Variants in COL5A3 observed in about 807,000 individuals in gnomAD.
COL5A3 encodes collagen alpha-3(V) chain.
A neutral mutation model predicts 250.0 loss-of-function variants in COL5A3; 172 were observed. The ratio of observed to expected loss-of-function variants is 0.69; its 90% confidence interval spans 0.61 to 0.78. The LOEUF (loss-of-function observed/expected upper bound fraction) is 0.78, where lower values mean the gene tolerates loss of function less well. Among genes scored for constraint, COL5A3 ranks in the 30% least tolerant of loss-of-function variants. The pLI is 0.00. For synonymous variants in COL5A3, 937 were observed against 900.4 expected (o/e 1.04, Z -0.73); for missense variants, 2,340 against 2,334.4 (o/e 1.00, Z -0.05).
Position 9,960,265 on chromosome 19 carries a change from G to A in COL5A3, c.*146C>T, listed in dbSNP as rs546825998. 1.6e-4 allele frequency: 161 copies of A among 1,003,770 alleles called. No homozygotes were observed. Among genetic ancestry groups the A allele is most frequent in the Admixed American group, 2.9e-4 (12 of 41,688 alleles). 62.2% of individuals were successfully genotyped at this position (1,003,770 alleles called of 1,614,324 possible). On this transcript the variant is annotated 3_prime_UTR_variant, in exon 67 of 67. Transcript: ENST00000264828. ...CCAGCCCCCAGCACCCTGGAAAGGA[G>A]AAGGAATGACTGTCCGTGATGAGCG...
intron 63 of COL5A3, 31 bp from the exon 64 acceptor site, chr19:9,966,457 C>A: frequency 6.3e-7 from 1 of 1,580,368 alleles, no homozygotes; most frequent in Non-Finnish European, 8.6e-7. Flanking sequence ...GTGGGTGAGT[C>A]CGGATGGGAC....
In COL5A3 at chr19:9,962,904, A is replaced by AG; in HGVS notation, c.4783-18dup. ...CAATTTCACCTGGAAGAGAAAAGGG[A>AG]GGGTCACTGTAGCTGACGCCCTTGG... On this transcript the variant is annotated splice_polypyrimidine_tract_variant and intron_variant, in intron 64 of 66. Coordinates refer to ENST00000264828, the MANE Select transcript of COL5A3 (RefSeq NM_015719.4). The AG allele has an allele frequency of 6.2e-7, 1 of 1,600,582 alleles. No homozygotes were observed. The highest frequency in any genetic ancestry group is 8.5e-7 in the Non-Finnish European group (1 of 1,171,152).
At chr19:9,967,326 C>T (rs913865673) in intron 62 of COL5A3, 21 bp downstream of exon 62, 7 of 1,412,422 alleles carry the variant, frequency 5.0e-6, no homozygotes, top group Non-Finnish European at 6.4e-6. Flanking sequence ...TGTCCATTCC[C>T]CCGCCCCCCG....
rs371142637 is a variant in COL5A3, at chr19:9,962,921, C to G, written c.4783-34G>C. On this transcript the variant is annotated intron_variant, in intron 64 of 66. Coordinates refer to ENST00000264828, the MANE Select transcript of COL5A3 (RefSeq NM_015719.4). ...GAAAAGGGAGGGTCACTGTAGCTGA[C>G]GCCCTTGGTGCCATCTAGATCTCAT... The G allele has an allele frequency of 5.2e-6, 8 of 1,530,640 alleles. No individual in the cohort carries two copies. The African/African-American group carries it at 1.1e-4, about 21-fold the overall frequency. 94.8% of individuals were successfully genotyped at this position (1,530,640 alleles called of 1,614,324 possible).
chr19:9,990,615 T>G (rs1434500374), intron 24 of COL5A3, among the ~76,000 whole-genome samples: 2 of 151,568 alleles, frequency 1.3e-5, no homozygotes. Flanking sequence ...CAGGCTGGAG[T>G]GCAGTGGCAA....
intron 44 of COL5A3, among the ~76,000 whole-genome samples, chr19:9,976,882 C>T (rs964840040): frequency 3.9e-5 from 6 of 151,974 alleles, no homozygotes; most frequent in African/African-American, 9.7e-5. Context: ...AGCTGACATT[C>T]GGGGTGGGGG....
intron 24 of COL5A3, 91 bp from the exon 25 acceptor site, chr19:9,989,613 G>A (rs1347466433): frequency 4.1e-6 from 5 of 1,212,918 alleles, no homozygotes; most frequent in East Asian, 2.4e-5. Flanking sequence ...CCGCCTCAAG[G>A]TTAAGAAATA....
intron 10 of COL5A3, among the ~76,000 whole-genome samples, 160 bp downstream of exon 10, chr19:9,997,824 T>C (rs1028867573): frequency 8.5e-5 from 13 of 152,086 alleles, no homozygotes; most frequent in Admixed American, 2.6e-4. Flanking sequence ...AGTCTCTATA[T>C]TGTTCATCCT....
At position 9,960,460 on chromosome 19, in the gene COL5A3, G is replaced by C; in HGVS notation, c.5189C>G (p.Thr1730Arg). 6.2e-7 allele frequency: 1 copy of C among 1,614,174 alleles called. No homozygotes were observed. The highest frequency in any genetic ancestry group is 1.6e-4 in the Middle Eastern group (1 of 6,062). ...WDVAATDFGQ[T>R]NQKFGFELGP... is the part of the protein sequence containing the mutation. The stretch of plus-strand genomic sequence containing the variant: ...CAGTTCAAACCCAAACTTTTGGTTC[G>C]TCTGGCCAAAGTCAGTGGCCGCCAC... The change falls in exon 67 of 67, where the codon ACG becomes AGG. Residue 1730 changes from threonine (T) to arginine (R), a missense_variant. Thr to Arg is a moderately conservative substitution (Grantham distance 71). This residue lies in a region of COL5A3 where 1,179 missense variants were observed against 1,162.6 expected (regional missense o/e 1.01). Transcript: ENST00000264828.
intron 6 of COL5A3, among the ~76,000 whole-genome samples, chr19:10,002,501 C>T (rs1240943953): frequency 6.7e-6 from 1 of 149,334 alleles, no homozygotes; most frequent in Admixed American, 6.7e-5. Context: ...TGACCTACAT[C>T]AACAGACCCC....
chr19:9,978,749 G>A lies in COL5A3; in HGVS notation c.2965-122C>T. The stretch of plus-strand genomic sequence containing the variant: ...GGGACTGGACACTGAGCTTTGAGGG[G>A]TCTGCCTTCCCCAGTTCCCTCCACC... On this transcript the variant is annotated intron_variant, in intron 40 of 66. Transcript: ENST00000264828. The A allele has an allele frequency of 4.4e-6, 4 of 908,672 alleles. No homozygotes were observed. In the South Asian group the frequency reaches 8.4e-5, roughly 19 times the overall value. 56.3% of individuals were successfully genotyped at this position (908,672 alleles called of 1,614,324 possible). A position where few individuals can be genotyped will look rare whatever the true frequency, so the allele number is the denominator to read the frequency against.
rs528996734 is a variant in COL5A3, at chr19:9,991,954, G to A, written c.1893+50C>T. On this transcript the variant is annotated intron_variant, in intron 22 of 66. Coordinates refer to ENST00000264828, the MANE Select transcript of COL5A3 (RefSeq NM_015719.4). ...GAAGGGAATAGGGATGTGGACAATC[G>A]GGGTCAGAGTGTCAGAAGGGTCAGA... 3.5e-5 allele frequency: 55 copies of A among 1,573,454 alleles called. No individual in the cohort carries two copies. The South Asian group carries it at 4.2e-4, about 12-fold the overall frequency.
At position 9,986,366 on chromosome 19, in the gene COL5A3, C is replaced by T. The variant is rs1488805925; in HGVS notation, c.2301G>A (p.Gly767=). The T allele has an allele frequency of 6.2e-7, 1 of 1,604,358 alleles. No homozygotes were observed. Among genetic ancestry groups the T allele is most frequent in the Non-Finnish European group, 8.5e-7 (1 of 1,178,112 alleles). ...CCTCCTCGCCAGCCTGCCCCGCCTG[C>T]CCCTTCGGCCCCTCAGGACCATCCT... ...RGEDGPEGPK[G]QAGQAGEEGP... The change falls in exon 30 of 67, where the codon GGG becomes GGA. Residue 767 remains glycine, a synonymous_variant. Coordinates refer to ENST00000264828, the MANE Select transcript of COL5A3 (RefSeq NM_015719.4).
At position 9,960,471 on chromosome 19, in the gene COL5A3, G is replaced by C; in HGVS notation, c.5178C>G (p.Asp1726Glu). Residue 1726 changes from aspartate (D) to glutamate (E), a missense_variant, in exon 67 of 67, where the codon GAC becomes GAG. Transcript: ENST00000264828. ...CAAACTTTTGGTTCGTCTGGCCAAA[G>C]TCAGTGGCCGCCACATCCCACAGGG... ...FLPLWDVAAT[D>E]FGQTNQKFGF... 1.2e-6 allele frequency: 2 copies of C among 1,614,206 alleles called. No homozygotes were observed. The highest frequency in any genetic ancestry group is 1.7e-6 in the Non-Finnish European group (2 of 1,180,040).
chr19:9,972,707 G>A (rs543498666), intron 51 of COL5A3, among the ~76,000 whole-genome samples: 50 of 152,176 alleles, frequency 3.3e-4, no homozygotes, highest in African/African-American at 8.2e-4. Context: ...GTGGTGGCGC[G>A]TGCCTGTAGT....
intron 11 of COL5A3, 107 bp downstream of exon 11, chr19:9,997,264 A>C (rs1335886438): frequency 2.4e-6 from 2 of 824,764 alleles, no homozygotes; most frequent in African/African-American, 3.4e-5. Flanking sequence ...CAGCCCCGGG[A>C]TGGTGTTCCC....
intron 51 of COL5A3, among the ~76,000 whole-genome samples, chr19:9,972,331 G>A (rs368676944): frequency 2.4e-5 from 2 of 82,390 alleles, no homozygotes; most frequent in African/African-American, 6.6e-5. Flanking sequence ...TCACTCACTC[G>A]TTCATCCATT....
At chr19:9,991,685 C>T (rs1223379201) in intron 23 of COL5A3, 31 bp from the exon 24 acceptor site, 2 of 1,611,652 alleles carry the variant, frequency 1.2e-6, no homozygotes, top group Non-Finnish European at 8.5e-7. Flanking sequence ...TGAGAGAAGG[C>T]ATAAGAAAGA....
At chr19:9,986,449 A>G in intron 29 of COL5A3, 27 bp from the exon 30 acceptor site, 2 of 1,611,030 alleles carry the variant, frequency 1.2e-6, no homozygotes, top group Non-Finnish European at 1.7e-6. Context: ...AGTATTTAAT[A>G]TCCATCTTTT....
Sources: allele counts gnomAD v4.1 joint callset (sites outside exome capture counted in the v4.1 genomes callset), GRCh38; gene constraint gnomAD v4.1.1; regional missense constraint gnomAD v4.1.1; transcripts MANE v1.5; gene names NCBI Gene and HGNC (gene_info 2026-07-23, HGNC 2026-07-21).